The following AFTPH variants were observed in gnomAD, a reference collection of about 807,000 sequenced individuals.
The protein encoded by AFTPH is aftiphilin protein.
AFTPH carries 7 observed loss-of-function variants against 72.5 expected under a neutral mutation model. The ratio of observed to expected loss-of-function variants is 0.10; its 90% CI spans 0.05 to 0.18. The LOEUF (loss-of-function observed/expected upper bound fraction) is 0.18, where lower values mean the gene tolerates loss of function less well. AFTPH is among the 10% of genes least tolerant of loss of function. AFTPH has a pLI of 1.00. For synonymous variants in AFTPH, 337 were observed against 370.1 expected (o/e 0.91, Z 1.03); for missense variants, 979 against 1,060.5 (o/e 0.92, Z 1.07).
At chr2:64,561,939 G>A (rs1671768250) in intron 2 of AFTPH, among the ~76,000 whole-genome samples, 1 of 152,128 alleles carries the variant, frequency 6.6e-6, no homozygotes, top group Non-Finnish European at 1.5e-5. Context: ...TCTAATTATG[G>A]CTAGAAATGT....
intron 2 of AFTPH, among the ~76,000 whole-genome samples, chr2:64,560,093 C>T (rs6742447): frequency 0.35 from 53,266 of 152,044 alleles, 9,493 homozygotes; most frequent in South Asian, 0.39. Flanking sequence ...GAACACCTTA[C>T]ATCCATATAT....
At chr2:64,546,303 T>C (rs1670615353) in intron 1 of AFTPH, among the ~76,000 whole-genome samples, 1 of 152,190 alleles carries the variant, frequency 6.6e-6, no homozygotes, top group Non-Finnish European at 1.5e-5. Context: ...TACCACAGTT[T>C]TTTAAAAGGT....
intron 7 of AFTPH, among the ~76,000 whole-genome samples, chr2:64,584,811 C>T (rs533909247): frequency 3.7e-4 from 57 of 152,084 alleles, no homozygotes; most frequent in East Asian, 3.5e-3. Context: ...TTAGCCAGGA[C>T]GGTCTTGATC....
At chr2:64,559,575 G>A (rs542878951) in intron 2 of AFTPH, among the ~76,000 whole-genome samples, 1 of 152,266 alleles carries the variant, frequency 6.6e-6, no homozygotes, top group East Asian at 1.9e-4. Flanking sequence ...GTTCTATTCA[G>A]GTCTTCAGCT....
At chr2:64,568,073 G>A (rs1374914771) in intron 3 of AFTPH, among the ~76,000 whole-genome samples, 1 of 151,298 alleles carries the variant, frequency 6.6e-6, no homozygotes, top group Non-Finnish European at 1.5e-5. Context: ...CAAAAACATT[G>A]TGTCAAAACC....
chr2:64,567,176 A>G (rs1672136402), intron 2 of AFTPH, among the ~76,000 whole-genome samples: 1 of 152,228 alleles, frequency 6.6e-6, no homozygotes, highest in Non-Finnish European at 1.5e-5. Context: ...TGTGGTGGAA[A>G]GAATATAAAT....
At chr2:64,567,764 G>C in intron 3 of AFTPH, 51 bp downstream of exon 3, 1 of 1,560,934 alleles carries the variant, frequency 6.4e-7, no homozygotes, top group Admixed American at 1.9e-5. Flanking sequence ...ATTTTTAGTA[G>C]TTCTAATTTA....
At chr2:64,537,567 C>A (rs1424734644) in intron 1 of AFTPH, among the ~76,000 whole-genome samples, 2 of 152,064 alleles carry the variant, frequency 1.3e-5, no homozygotes, top group Non-Finnish European at 2.9e-5. Context: ...GATACTGGAC[C>A]AGAAAAGTTA....
chr2:64,541,342 A>G (rs1429384024), intron 1 of AFTPH, among the ~76,000 whole-genome samples: 1 of 152,134 alleles, frequency 6.6e-6, no homozygotes, highest in Non-Finnish European at 1.5e-5. Flanking sequence ...GGTGTCTGAT[A>G]TCTTGGGTTT....
At chr2:64,551,818 T>G in exon 2 of AFTPH, 2 of 1,613,356 alleles carry the variant, frequency 1.2e-6, no homozygotes, top group Non-Finnish European at 1.7e-6. Flanking sequence ...AGCAAAGAAA[T>G]AATTTCATCT....
chr2:64,550,399 A>G (rs1258559574), intron 1 of AFTPH, among the ~76,000 whole-genome samples: 1 of 152,208 alleles, frequency 6.6e-6, no homozygotes, highest in East Asian at 1.9e-4. Flanking sequence ...CTGTTGACAA[A>G]TGCAGCAACA....
At chr2:64,548,431 A>G (rs964451096) in intron 1 of AFTPH, among the ~76,000 whole-genome samples, 16 of 150,464 alleles carry the variant, frequency 1.1e-4, no homozygotes, top group Non-Finnish European at 1.6e-4. Context: ...AAAAAAAAAA[A>G]AAAACTTTAG....
At chr2:64,566,510 A>G (rs927062369) in intron 2 of AFTPH, among the ~76,000 whole-genome samples, 3 of 152,194 alleles carry the variant, frequency 2.0e-5, no homozygotes, top group Non-Finnish European at 4.4e-5. Context: ...AAGTACCACC[A>G]TGATGTGGCA....
At chr2:64,524,430 G>C (rs554686641) in exon 1 of AFTPH, 2 of 403,902 alleles carry the variant, frequency 5.0e-6, no homozygotes, top group Non-Finnish European at 8.7e-6. Flanking sequence ...GTGGGATGGG[G>C]GTCCCGCGGC....
At chr2:64,527,626 CAT>C (rs1384534150) in intron 1 of AFTPH, among the ~76,000 whole-genome samples, 43 of 150,640 alleles carry the variant, frequency 2.9e-4, no homozygotes. Flanking sequence ...AACTTTAAAA[CAT>C]ATATAAAGTA....
At chr2:64,555,034 G>T (rs1671271524) in intron 2 of AFTPH, among the ~76,000 whole-genome samples, 1 of 152,186 alleles carries the variant, frequency 6.6e-6, no homozygotes, top group Non-Finnish European at 1.5e-5. Flanking sequence ...GAATCTGACA[G>T]ATCTGAGTTT....
chr2:64,583,661 T>C (rs1240566543), intron 7 of AFTPH, among the ~76,000 whole-genome samples: 1 of 152,244 alleles, frequency 6.6e-6, no homozygotes, highest in African/African-American at 2.4e-5. Flanking sequence ...GTAGTCCCTT[T>C]ACAGACATAT....
At chr2:64,562,360 G>A (rs11674143) in intron 2 of AFTPH, among the ~76,000 whole-genome samples, 66,534 of 148,816 alleles carry the variant, frequency 0.45, 15,475 homozygotes, top group African/African-American at 0.6. Flanking sequence ...TTTTTAATCT[G>A]GTGCACATTA....
chr2:64,575,028 G>A (rs1239764432), intron 6 of AFTPH, among the ~76,000 whole-genome samples: 1 of 152,176 alleles, frequency 6.6e-6, no homozygotes, highest in Non-Finnish European at 1.5e-5. Context: ...GAGACCATTT[G>A]TTGCTAGTTT....
Sources: allele counts gnomAD v4.1 joint callset (sites outside exome capture counted in the v4.1 genomes callset), GRCh38; gene constraint gnomAD v4.1.1; transcripts MANE v1.5; gene names NCBI Gene and HGNC (gene_info 2026-07-23, HGNC 2026-07-21).